Variants in ADAMTSL1 observed in about 807,000 individuals in gnomAD.
The protein encoded by ADAMTSL1 is ADAMTS-like protein 1.
Under a neutral mutation model 201.8 loss-of-function variants are expected in ADAMTSL1, and 126 were observed. The observed-to-expected ratio is 0.62, with a 90% CI of 0.54 to 0.72. The LOEUF is 0.72. ADAMTSL1 is among the 30% of genes least tolerant of loss of function. ADAMTSL1 has a pLI of 0.00. For missense variants in ADAMTSL1, 2,679 were observed against 2,277.8 expected (o/e 1.18, Z -3.59); for synonymous variants, 1,121 against 903.4 (o/e 1.24, Z -4.32).
At chr9:18,058,791 A>G (rs2131691064) in intron 1 of ADAMTSL1, among the ~76,000 whole-genome samples, 1 of 152,316 alleles carries the variant, frequency 6.6e-6, no homozygotes, top group Non-Finnish European at 1.5e-5. Flanking sequence ...GAATAAGCCA[A>G]GCAGGGATGT....
At chr9:18,757,150 G>A (rs1046026361) in intron 16 of ADAMTSL1, among the ~76,000 whole-genome samples, 3 of 152,180 alleles carry the variant, frequency 2.0e-5, no homozygotes, top group African/African-American at 7.2e-5. Context: ...TCTCTGGTCT[G>A]TGGGAAGGAT....
chr9:18,636,775 A>G (rs1050631331), intron 6 of ADAMTSL1, among the ~76,000 whole-genome samples: 1 of 152,122 alleles, frequency 6.6e-6, no homozygotes, highest in African/African-American at 2.4e-5. Context: ...ATGGGAGGGG[A>G]TATGGTAGCA....
At chr9:18,568,270 A>G (rs1324317307) in intron 3 of ADAMTSL1, among the ~76,000 whole-genome samples, 1 of 152,192 alleles carries the variant, frequency 6.6e-6, no homozygotes, top group Non-Finnish European at 1.5e-5. Context: ...CAGTGCTTTC[A>G]TCTTAACTTT....
intron 2 of ADAMTSL1, among the ~76,000 whole-genome samples, chr9:18,435,364 C>T (rs1301179385): frequency 6.6e-6 from 1 of 152,174 alleles, no homozygotes; most frequent in Non-Finnish European, 1.5e-5. Flanking sequence ...CCAGACACTG[C>T]TCTGGGGATG....
At chr9:18,345,175 A>G (rs1484080466) in intron 2 of ADAMTSL1, among the ~76,000 whole-genome samples, 2 of 152,212 alleles carry the variant, frequency 1.3e-5, no homozygotes, top group East Asian at 3.9e-4. Flanking sequence ...GTCAGACAAC[A>G]TATTGGCCAC....
chr9:18,513,094 C>G (rs145778347), intron 2 of ADAMTSL1, among the ~76,000 whole-genome samples: 1 of 152,116 alleles, frequency 6.6e-6, no homozygotes. Flanking sequence ...AGCTAATCTC[C>G]TCTCTAATTC....
At chr9:18,001,890 G>A (rs962451169) in intron 1 of ADAMTSL1, among the ~76,000 whole-genome samples, 5 of 151,926 alleles carry the variant, frequency 3.3e-5, no homozygotes, top group African/African-American at 1.2e-4. Flanking sequence ...GTTGAGCAGA[G>A]CATGTAGAAA....
At chr9:18,243,734 C>T (rs1207358877) in intron 2 of ADAMTSL1, among the ~76,000 whole-genome samples, 4 of 151,550 alleles carry the variant, frequency 2.6e-5, no homozygotes, top group Admixed American at 2.6e-4. Context: ...CTTTCAGTCC[C>T]ATCTTCTGTC....
At position 18,485,594 on chromosome 9, in the gene ADAMTSL1, G is replaced by A. The variant is rs1331749652; in HGVS notation, c.63+11299G>A. On this transcript the variant is annotated intron_variant, in intron 1 of 28. Coordinates refer to ENST00000380548, the MANE Select transcript of ADAMTSL1 (RefSeq NM_001040272.6). ...GCATTTTTCTGTCTGATGTGTCCCA[G>A]GCACTGTCCTAGTAGAGAATAACTC... Among the ~76,000 whole-genome samples, 4 of 152,190 alleles carry A rather than the reference G, an allele frequency of 2.6e-5. No homozygotes were observed. In the East Asian group the frequency reaches 7.7e-4, roughly 29 times the overall value.
Position 18,776,934 on chromosome 9 carries a change from G to T in ADAMTSL1, c.2705G>T (p.Arg902Leu), listed in dbSNP as rs781529465. The change falls in exon 19 of 29, where the codon CGC (arginine) becomes CTC (leucine). Residue 902 changes from arginine (R) to leucine (L), a missense_variant. Coordinates refer to ENST00000380548, the MANE Select transcript of ADAMTSL1 (RefSeq NM_001040272.6). The part of the protein sequence containing the change: ...KTAVVLRCPA[R>L]RVRKPLITWE... ...GCGGTGGTGCTGCGCTGCCCGGCGC[G>T]CAGGGTCCGCAAGCCCCTCATCACC... is the stretch of plus-strand genomic sequence containing the variant. 8.1e-6 allele frequency: 13 copies of T among 1,601,530 alleles called. No homozygotes were observed. Among genetic ancestry groups the T allele is most frequent in the African/African-American group, 1.3e-5 (1 of 74,732 alleles).
intron 23 of ADAMTSL1, among the ~76,000 whole-genome samples, chr9:18,874,352 A>T (rs1460068429): frequency 2.0e-5 from 3 of 152,064 alleles, no homozygotes; most frequent in Non-Finnish European, 2.9e-5. Context: ...GAAGCGGTAA[A>T]AGTGGGCATT....
chr9:18,892,179 C>A (rs1361074554), intron 25 of ADAMTSL1, among the ~76,000 whole-genome samples: 1 of 152,264 alleles, frequency 6.6e-6, no homozygotes, highest in African/African-American at 2.4e-5. Context: ...AGAACCTTGC[C>A]ACATAGCATT....
At chr9:18,879,734 G>A (rs1437000032) in intron 23 of ADAMTSL1, among the ~76,000 whole-genome samples, 1 of 152,206 alleles carries the variant, frequency 6.6e-6, no homozygotes, top group African/African-American at 2.4e-5. Flanking sequence ...GTTGATGGTT[G>A]CTGAATATTG....
At position 18,854,716 on chromosome 9, in the gene ADAMTSL1, C is replaced by T. The variant is rs561963321; in HGVS notation, c.4249+24739C>T. 8.3e-4 allele frequency among the ~76,000 whole-genome samples: 126 copies of T among 152,194 alleles called. 1 individual carries two copies. Among genetic ancestry groups the T allele is most frequent in the African/African-American group, 2.9e-3 (121 of 41,536 alleles). ...TGAATAGCTGGGCTCTAGAAATTAA[C>T]ATAATAAGCCTCTGACTCTTGGAAA... On this transcript the variant is annotated intron_variant, in intron 23 of 28. Transcript: ENST00000380548.
At chr9:17,957,759 A>G (rs1455698246) in intron 1 of ADAMTSL1, among the ~76,000 whole-genome samples, 1 of 152,194 alleles carries the variant, frequency 6.6e-6, no homozygotes, top group African/African-American at 2.4e-5. Context: ...AGGAGCAGAC[A>G]TGAGATGCAG....
At position 18,372,858 on chromosome 9, in the gene ADAMTSL1, C is replaced by A. The variant is rs552540558; in HGVS notation, c.208-131971C>A. Among the ~76,000 whole-genome samples, 44 of 152,158 alleles carry A rather than the reference C, an allele frequency of 2.9e-4. No individual in the cohort carries two copies. The Middle Eastern group carries it at 0.01, about 35-fold the overall frequency. On this transcript the variant is annotated intron_variant, in intron 2 of 29. Transcript: ENST00000680146. ...AATCATAATAAAATAATAACCATAG[C>A]AAAAATAACACTAAATGGGACAAAG...
At chr9:18,553,509 T>A (rs1820919346) in intron 3 of ADAMTSL1, among the ~76,000 whole-genome samples, 1 of 151,810 alleles carries the variant, frequency 6.6e-6, no homozygotes, top group Non-Finnish European at 1.5e-5. Context: ...ACATTCCACT[T>A]TATTTGATCC....
At chr9:18,163,504 C>G (rs946822123) in intron 1 of ADAMTSL1, among the ~76,000 whole-genome samples, 7 of 151,830 alleles carry the variant, frequency 4.6e-5, no homozygotes, top group African/African-American at 1.7e-4. Flanking sequence ...AGGATTGATC[C>G]CTGTGGGTCC....
At chr9:18,145,112 C>T (rs1826579241) in intron 1 of ADAMTSL1, among the ~76,000 whole-genome samples, 2 of 152,134 alleles carry the variant, frequency 1.3e-5, no homozygotes, top group African/African-American at 4.8e-5. Context: ...ATCATTCTGA[C>T]AGCTAAAGAG....
Sources: gnomAD v4.1 joint callset for allele counts (sites outside exome capture counted in the v4.1 genomes callset) on GRCh38, gnomAD v4.1.1 for gene constraint, MANE v1.5 for transcripts, NCBI Gene and HGNC (gene_info 2026-07-23, HGNC 2026-07-21) for gene names.